The following GRIA1 variants were observed in gnomAD, a reference collection of about 807,000 sequenced individuals.
GRIA1 encodes glutamate ionotropic receptor AMPA type subunit 1.
A neutral mutation model predicts 99.2 loss-of-function variants in GRIA1; 31 were observed. The ratio of observed to expected loss-of-function variants is 0.31; its 90% CI spans 0.23 to 0.42. GRIA1 has a LOEUF of 0.42. Among genes scored for constraint, GRIA1 ranks in the 10% least tolerant of loss-of-function variants. The probability of loss-of-function intolerance (pLI) is 1.00; values close to 1 mark genes in which losing one functional copy is unlikely to be tolerated. For synonymous variants in GRIA1, 438 were observed against 432.4 expected, an observed-to-expected ratio of 1.01 and a Z score of -0.16; for missense variants, 782 against 1,157.5, an observed-to-expected ratio of 0.68 and a Z score of 4.71.
intron 2 of GRIA1, among the ~76,000 whole-genome samples, chr5:153,498,151 A>G (rs1754624106): frequency 6.6e-6 from 1 of 152,184 alleles, no homozygotes; most frequent in Non-Finnish European, 1.5e-5. Flanking sequence ...ATATTAAAAT[A>G]TCTGGCAACA....
At chr5:153,563,183 A>G (rs2149354466) in intron 2 of GRIA1, among the ~76,000 whole-genome samples, 1 of 152,214 alleles carries the variant, frequency 6.6e-6, no homozygotes, top group Middle Eastern at 3.4e-3. Flanking sequence ...TCAAAAAAAA[A>G]AAAAAAAACC....
intron 8 of GRIA1, among the ~76,000 whole-genome samples, chr5:153,697,539 A>G (rs1465280467): frequency 6.6e-6 from 1 of 152,250 alleles, no homozygotes; most frequent in African/African-American, 2.4e-5. Flanking sequence ...ATTTTTAAAA[A>G]TAAAGGATAA....
intron 2 of GRIA1, among the ~76,000 whole-genome samples, chr5:153,532,506 C>G (rs1758181660): frequency 6.6e-6 from 1 of 152,208 alleles, no homozygotes. Context: ...TTCTGTCTAT[C>G]ATCTTCATAC....
intron 2 of GRIA1, among the ~76,000 whole-genome samples, chr5:153,628,965 T>C (rs765715124): frequency 3.3e-5 from 5 of 152,204 alleles, no homozygotes; most frequent in Non-Finnish European, 7.3e-5. Flanking sequence ...AGAATCATCA[T>C]AGAATATGGG....
intron 2 of GRIA1, among the ~76,000 whole-genome samples, chr5:153,640,610 C>T (rs1248331302): frequency 6.6e-6 from 1 of 152,196 alleles, no homozygotes; most frequent in Non-Finnish European, 1.5e-5. Context: ...CTAAAGGACC[C>T]AGTTAACACT....
chr5:153,583,240 C>A (rs1763197819), intron 2 of GRIA1, among the ~76,000 whole-genome samples: 1 of 152,138 alleles, frequency 6.6e-6, no homozygotes, highest in Non-Finnish European at 1.5e-5. Flanking sequence ...GGTCCCCTGA[C>A]TTTTAGAAGT....
intron 2 of GRIA1, among the ~76,000 whole-genome samples, chr5:153,505,981 G>A (rs376050885): frequency 5.1e-4 from 78 of 152,258 alleles, no homozygotes; most frequent in Non-Finnish European, 9.1e-4. Flanking sequence ...GTGGAATGTC[G>A]AAATCCAGCC....
intron 10 of GRIA1, among the ~76,000 whole-genome samples, chr5:153,703,464 G>T (rs1758672882): frequency 6.6e-6 from 1 of 152,210 alleles, no homozygotes; most frequent in South Asian, 2.1e-4. Flanking sequence ...TACGGAACAG[G>T]CTGGGTATGG....
chr5:153,698,328 T>C (rs897395173), intron 9 of GRIA1, among the ~76,000 whole-genome samples, 174 bp downstream of exon 9: 2 of 152,242 alleles, frequency 1.3e-5, no homozygotes, highest in Non-Finnish European at 2.9e-5. Context: ...TTTCACTCTG[T>C]ATCTCTTAGT....
intron 2 of GRIA1, among the ~76,000 whole-genome samples, chr5:153,564,645 C>T (rs183949547): frequency 2.0e-5 from 3 of 152,300 alleles, no homozygotes; most frequent in African/African-American, 7.2e-5. Flanking sequence ...TTCCTCACAA[C>T]ATGGTGACTG....
rs572432613 is a variant in GRIA1 at position 153,766,299 on chromosome 5, G to A, written c.2022+1667G>A. Reference sequence around the variant, plus strand: ...ACTTACAATCTCATTACAATTCCCTGACATTTTTAGCCTGCAACAAAAGTG... The same window carrying A: ...ACTTACAATCTCATTACAATTCCCTAACATTTTTAGCCTGCAACAAAAGTG... On this transcript the variant is annotated intron_variant, in intron 12 of 15. Coordinates refer to ENST00000285900, the MANE Select transcript of GRIA1 (RefSeq NM_000827.4). 2.0e-5 allele frequency among the ~76,000 whole-genome samples: 3 copies of A among 152,198 alleles called. No individual in the cohort carries two copies. The East Asian group carries it at 5.8e-4, about 29-fold the overall frequency.
chr5:153,799,195 G>A (rs185377817), intron 14 of GRIA1, among the ~76,000 whole-genome samples: 73 of 152,236 alleles, frequency 4.8e-4, no homozygotes, highest in Non-Finnish European at 2.9e-4. Context: ...CCCTGTCCCC[G>A]ATCACAGCTG....
At chr5:153,616,477 A>G (rs956952708) in intron 2 of GRIA1, among the ~76,000 whole-genome samples, 16 of 152,176 alleles carry the variant, frequency 1.1e-4, no homozygotes, top group African/African-American at 3.6e-4. Flanking sequence ...CTAAAAAAAA[A>G]AATTCGCAAA....
intron 2 of GRIA1, among the ~76,000 whole-genome samples, chr5:153,574,623 CT>C (rs1241918536): frequency 6.6e-6 from 1 of 151,952 alleles, no homozygotes; most frequent in Non-Finnish European, 1.5e-5. Context: ...TATTATTATA[CT>C]GTTGTAATAG....
intron 5 of GRIA1, among the ~76,000 whole-genome samples, chr5:153,657,500 A>G (rs1032283262): frequency 6.6e-5 from 10 of 152,224 alleles, no homozygotes; most frequent in African/African-American, 2.2e-4. Flanking sequence ...TTCAGTTTTA[A>G]CCATGTTATT....
At chr5:153,549,632 TG>T (rs1759946374) in intron 2 of GRIA1, among the ~76,000 whole-genome samples, 1 of 152,140 alleles carries the variant, frequency 6.6e-6, no homozygotes, top group South Asian at 2.1e-4. Context: ...GAATGGACTG[TG>T]GTATTTTCTG....
At chr5:153,749,326 T>A (rs1407514400) in intron 11 of GRIA1, among the ~76,000 whole-genome samples, 4 of 151,868 alleles carry the variant, frequency 2.6e-5, no homozygotes, top group Non-Finnish European at 1.5e-5. Context: ...TTAGAGAGAG[T>A]CCTATTCCAT....
intron 2 of GRIA1, among the ~76,000 whole-genome samples, chr5:153,615,633 G>C (rs1463253526): frequency 6.6e-6 from 1 of 152,196 alleles, no homozygotes; most frequent in Non-Finnish European, 1.5e-5. Context: ...AACAAAGCAA[G>C]ATCCTGCCTA....
At position 153,730,432 on chromosome 5, in the gene GRIA1, TAC is replaced by T. The variant is rs201181494; in HGVS notation, c.1823+24367_1823+24368del. On this transcript the variant is annotated intron_variant, in intron 11 of 15. Coordinates refer to ENST00000285900, the MANE Select transcript of GRIA1 (RefSeq NM_000827.4). ...ATAGTATTTTATTAGCATGTAACAG[TAC>T]ATTTTTACATAGGTAGACATGAGAA... Among the ~76,000 whole-genome samples, 1,325 of 152,192 alleles carry T rather than the reference TAC, an allele frequency of 8.7e-3. 7 individuals carry two copies. Among genetic ancestry groups the T allele is most frequent in the South Asian group, 0.014 (67 of 4,820 alleles).
Sources: gnomAD v4.1 joint callset for allele counts (sites outside exome capture counted in the v4.1 genomes callset) on GRCh38, gnomAD v4.1.1 for gene constraint, MANE v1.5 for transcripts, NCBI Gene and HGNC (gene_info 2026-07-23, HGNC 2026-07-21) for gene names.